AGPAT4: variants seen among roughly 807,000 people sequenced by gnomAD.
AGPAT4 encodes 1-acylglycerol-3-phosphate O-acyltransferase 4.
In AGPAT4, 15 loss-of-function variants were observed where a neutral mutation model predicts 48.0. That is an observed-to-expected ratio of 0.31 (90% CI 0.21 to 0.48). The LOEUF is 0.48. AGPAT4 is among the 20% of genes least tolerant of loss of function. AGPAT4 has a pLI of 0.99. For missense variants in AGPAT4, 314 were observed against 482.5 expected, an observed-to-expected ratio of 0.65 and a Z score of 3.27; for synonymous variants, 178 against 198.7, an observed-to-expected ratio of 0.90 and a Z score of 0.88.
rs759172114 is a variant in AGPAT4 at position 161,171,295 on chromosome 6, A to T, written c.179-4878T>A. 6.6e-6 allele frequency among the ~76,000 whole-genome samples: 1 copy of T among 152,242 alleles called. No individual in the cohort carries two copies. Among genetic ancestry groups the T allele is most frequent in the Non-Finnish European group, 1.5e-5 (1 of 68,044 alleles). ...ATGCTGCTGTAACAGAATAGTTGAG[A>T]CTGGGCAATTTACAAAGAACAGAGA... is the stretch of plus-strand genomic sequence containing the variant. On this transcript the variant is annotated intron_variant, in intron 2 of 8. Transcript: ENST00000320285. This position sits in a 1 kb window ranked among gnomAD's most constrained non-coding sequence, Gnocchi z 4.4.
intron 2 of AGPAT4, among the ~76,000 whole-genome samples, chr6:161,190,262 G>T (rs1178276060): frequency 1.3e-5 from 2 of 152,286 alleles, no homozygotes; most frequent in East Asian, 1.9e-4. Flanking sequence ...TTCATCAATT[G>T]TAACAAATGT....
Position 161,166,914 on chromosome 6 carries a change from A to C in AGPAT4, c.179-497T>G, listed in dbSNP as rs552695219. Among the ~76,000 whole-genome samples the C allele has an allele frequency of 4.3e-4, 66 of 152,348 alleles. No individual in the cohort carries two copies. Among genetic ancestry groups the C allele is most frequent in the African/African-American group, 1.5e-3 (63 of 41,592 alleles). On this transcript the variant is annotated intron_variant, in intron 2 of 8. Coordinates refer to ENST00000320285, the MANE Select transcript of AGPAT4 (RefSeq NM_020133.3). The surrounding 1 kb of genome is among the most constrained non-coding windows in gnomAD (Gnocchi z 6.7). ...CGGCAGATCCAGCCGCAGGAGCCCC[A>C]GCACCTGCAGGGCAGCGGGAGTGAG...
At chr6:161,260,355 C>T (rs902486804) in intron 1 of AGPAT4, among the ~76,000 whole-genome samples, 3 of 152,006 alleles carry the variant, frequency 2.0e-5, no homozygotes, top group African/African-American at 7.2e-5. Context: ...GAATGTGCAG[C>T]GTGGTTTGAA....
rs1167549441 is a variant in AGPAT4 at position 161,143,497 on chromosome 6, T to C, written c.843+3027A>G. Among the ~76,000 whole-genome samples the C allele has an allele frequency of 6.6e-6, 1 of 152,212 alleles. No individual in the cohort carries two copies. Among genetic ancestry groups the C allele is most frequent in the African/African-American group, 2.4e-5 (1 of 41,448 alleles). ...TTAGAAATGAAAAGTTAGAATCTGT[T>C]CACCCCATACAATTAAGAAACCGTG... On this transcript the variant is annotated intron_variant, in intron 7 of 8. Coordinates refer to ENST00000320285, the MANE Select transcript of AGPAT4 (RefSeq NM_020133.3). This position sits in a 1 kb window ranked among gnomAD's most constrained non-coding sequence, Gnocchi z 4.7.
intron 1 of AGPAT4, among the ~76,000 whole-genome samples, chr6:161,257,719 A>C (rs9458173): frequency 0.1 from 15,898 of 152,214 alleles, 1,413 homozygotes; most frequent in East Asian, 0.25. Context: ...TTAAAAAGGA[A>C]TGTGGACAAG....
chr6:161,239,911 A>G (rs1255363290), intron 1 of AGPAT4, among the ~76,000 whole-genome samples: 2 of 152,150 alleles, frequency 1.3e-5, no homozygotes, highest in African/African-American at 4.8e-5. Flanking sequence ...TGGCTATCTT[A>G]AGGACAAAAT....
In AGPAT4 at chr6:161,255,424, G is replaced by A. The variant is rs1005357225; in HGVS notation, c.-90+18514C>T. 6.6e-6 allele frequency among the ~76,000 whole-genome samples: 1 copy of A among 152,124 alleles called. No homozygotes were observed. Among genetic ancestry groups the A allele is most frequent in the African/African-American group, 2.4e-5 (1 of 41,414 alleles). ...TCCACACAAAATCTTGTACACCCAC[G>A]TTCACGGCAGCGTTGCTCTCGATAG... is the stretch of plus-strand genomic sequence containing the variant. On this transcript the variant is annotated intron_variant, in intron 1 of 8. Coordinates refer to ENST00000320285, the MANE Select transcript of AGPAT4 (RefSeq NM_020133.3). The surrounding 1 kb of genome is among the most constrained non-coding windows in gnomAD (Gnocchi z 4.7).
At chr6:161,173,822 A>G (rs1023892582) in intron 2 of AGPAT4, among the ~76,000 whole-genome samples, 2 of 152,174 alleles carry the variant, frequency 1.3e-5, no homozygotes, top group African/African-American at 4.8e-5. Flanking sequence ...TAATTTTTGT[A>G]TAAGGTGTAA....
chr6:161,241,696 T>C (rs1258163869), intron 1 of AGPAT4, among the ~76,000 whole-genome samples: 2 of 152,242 alleles, frequency 1.3e-5, no homozygotes, highest in African/African-American at 4.8e-5. Context: ...TCTCTAAGGC[T>C]TTCCGTAGCT....
Position 161,188,267 on chromosome 6 carries a change from C to T in AGPAT4, c.179-21850G>A, listed in dbSNP as rs113649422. On this transcript the variant is annotated intron_variant, in intron 2 of 8. Transcript: ENST00000320285. The stretch of plus-strand genomic sequence containing the variant: ...ATTGCTTCCATATCTCAGCCTAGGA[C>T]GCCTTAGGATATTTAATTTTGTCTC... Among the ~76,000 whole-genome samples the T allele has an allele frequency of 4.8e-3, 727 of 152,282 alleles. 10 individuals carry two copies. The highest frequency in any genetic ancestry group is 0.016 in the African/African-American group (664 of 41,544).
At chr6:161,203,838 T>C (rs1356040484) in intron 2 of AGPAT4, among the ~76,000 whole-genome samples, 1 of 152,156 alleles carries the variant, frequency 6.6e-6, no homozygotes, top group Admixed American at 6.5e-5. Flanking sequence ...ATATGCCATT[T>C]CTCCACCCCT....
rs1779717756 is a variant in AGPAT4, at chr6:161,154,707, T to C, written c.349-397A>G. Among the ~76,000 whole-genome samples, 1 of 152,232 alleles carries C rather than the reference T, an allele frequency of 6.6e-6. No homozygotes were observed. The highest frequency in any genetic ancestry group is 6.5e-5 in the Admixed American group (1 of 15,286). On this transcript the variant is annotated intron_variant, in intron 3 of 8. Transcript: ENST00000320285. This position sits in a 1 kb window ranked among gnomAD's most constrained non-coding sequence, Gnocchi z 7.8. ...GCTGTGTGACACTAATTTGTGCACC[T>C]CTTTTCTGCAGATCTCACTGAGTTT... is the stretch of plus-strand genomic sequence containing the variant.
chr6:161,205,053 C>T (rs1781343843), intron 2 of AGPAT4, among the ~76,000 whole-genome samples: 1 of 152,136 alleles, frequency 6.6e-6, no homozygotes, highest in Admixed American at 6.5e-5. Context: ...GTCTGAGTGT[C>T]GATCTGCAGG....
rs145592536 is a variant in AGPAT4 at position 161,237,036 on chromosome 6, G to T, written c.-89-4734C>A. ...CACAAAGACATTTTTAAATCATACAGAATAGGAAAAATGCCAGGAAACCAT... is the reference window on the plus strand; with the variant it reads ...CACAAAGACATTTTTAAATCATACATAATAGGAAAAATGCCAGGAAACCAT... On this transcript the variant is annotated intron_variant, in intron 1 of 8. Transcript: ENST00000320285. Among the ~76,000 whole-genome samples the T allele has an allele frequency of 7.2e-5, 11 of 152,248 alleles. No individual in the cohort carries two copies. In the East Asian group the frequency reaches 1.9e-3, roughly 27 times the overall value.
rs768932332 is a variant in AGPAT4 at position 161,164,525 on chromosome 6, C to G, written c.348+1723G>C. 6.6e-6 allele frequency among the ~76,000 whole-genome samples: 1 copy of G among 152,206 alleles called. No individual in the cohort carries two copies. The highest frequency in any genetic ancestry group is 1.5e-5 in the Non-Finnish European group (1 of 68,036). ...TCAGGGTCCTGTTTCTGGAGCAGGT[C>G]TTGGGCCCCAGGGCCCCTGCTTTTG... is the stretch of plus-strand genomic sequence containing the variant. On this transcript the variant is annotated intron_variant, in intron 3 of 8. Coordinates refer to ENST00000320285, the MANE Select transcript of AGPAT4 (RefSeq NM_020133.3). This position sits in a 1 kb window ranked among gnomAD's most constrained non-coding sequence, Gnocchi z 7.4.
chr6:161,214,724 G>A lies in AGPAT4; in HGVS notation c.178+17312C>T, dbSNP rs1203031952. ...GCAAAGGTTGCAGTGAGCCGAGATC[G>A]TGCCACTGCACTCTAGCCTGGGTGA... is the stretch of plus-strand genomic sequence containing the variant. On this transcript the variant is annotated intron_variant, in intron 2 of 8. Coordinates refer to ENST00000320285, the MANE Select transcript of AGPAT4 (RefSeq NM_020133.3). This position sits in a 1 kb window ranked among gnomAD's most constrained non-coding sequence, Gnocchi z 5.4. Among the ~76,000 whole-genome samples, 8 of 152,140 alleles carry A rather than the reference G, an allele frequency of 5.3e-5. No individual in the cohort carries two copies. The highest frequency in any genetic ancestry group is 7.2e-5 in the African/African-American group (3 of 41,422).
rs1278911347 is a variant in AGPAT4, at chr6:161,234,158, T to C, written c.-89-1856A>G. Among the ~76,000 whole-genome samples, 1 of 152,192 alleles carries C rather than the reference T, an allele frequency of 6.6e-6. No individual in the cohort carries two copies. The highest frequency in any genetic ancestry group is 1.5e-5 in the Non-Finnish European group (1 of 68,026). ...GCACAGCTTTGAGTGCAGTCACTCCTGGGTCATGCAGGTTGGCTCTGAGGA... is the reference window on the plus strand; with the variant it reads ...GCACAGCTTTGAGTGCAGTCACTCCCGGGTCATGCAGGTTGGCTCTGAGGA... On this transcript the variant is annotated intron_variant, in intron 1 of 8. Coordinates refer to ENST00000320285, the MANE Select transcript of AGPAT4 (RefSeq NM_020133.3). The surrounding 1 kb of genome is among the most constrained non-coding windows in gnomAD (Gnocchi z 4.4).
chr6:161,151,454 C>T (rs951729818), intron 5 of AGPAT4, among the ~76,000 whole-genome samples: 2 of 152,218 alleles, frequency 1.3e-5, no homozygotes, highest in African/African-American at 2.4e-5. Context: ...TAGGGAGCCG[C>T]GCTGGCCCAA....
At chr6:161,248,132 CA>C (rs1782710272) in intron 1 of AGPAT4, among the ~76,000 whole-genome samples, 1 of 151,932 alleles carries the variant, frequency 6.6e-6, no homozygotes, top group Non-Finnish European at 1.5e-5. Flanking sequence ...AGTCTCAGCC[CA>C]AAAGCTCCTC....
Sources: allele counts gnomAD v4.1 joint callset (sites outside exome capture counted in the v4.1 genomes callset), GRCh38; gene constraint gnomAD v4.1.1; non-coding constraint Gnocchi (gnomAD v3.1); transcripts MANE v1.5; gene names NCBI Gene and HGNC (gene_info 2026-07-23, HGNC 2026-07-21).